The following CSMD1 variants were observed in gnomAD, a reference collection of about 807,000 sequenced individuals.
CSMD1 encodes the protein CUB and Sushi multiple domains 1.
Under a neutral mutation model 417.5 loss-of-function variants are expected in CSMD1, and 213 were observed. The ratio of observed to expected loss-of-function variants is 0.51; its 90% CI spans 0.46 to 0.57. The LOEUF (loss-of-function observed/expected upper bound fraction) is 0.57, where lower values mean the gene tolerates loss of function less well. CSMD1 is among the 20% of genes least tolerant of loss of function. The pLI is 0.00. For synonymous variants in CSMD1, 2,862 were observed against 1,736.8 expected, an observed-to-expected ratio of 1.65 and a Z score of -16.11; for missense variants, 6,923 against 4,529.7, an observed-to-expected ratio of 1.53 and a Z score of -15.17.
chr8:4,264,400 G>C (rs1054260941), intron 3 of CSMD1, among the ~76,000 whole-genome samples: 1 of 152,174 alleles, frequency 6.6e-6, no homozygotes, highest in Non-Finnish European at 1.5e-5. Context: ...AACATCCACA[G>C]AGGTTGCACA....
chr8:3,807,380 C>T (rs116733331), intron 5 of CSMD1, among the ~76,000 whole-genome samples: 1 of 151,952 alleles, frequency 6.6e-6, no homozygotes, highest in Non-Finnish European at 1.5e-5. Context: ...TTCCCAAGCC[C>T]TTTATAGAAA....
chr8:3,756,165 G>T (rs1797646102), intron 5 of CSMD1, among the ~76,000 whole-genome samples: 1 of 151,772 alleles, frequency 6.6e-6, no homozygotes, highest in African/African-American at 2.4e-5. Context: ...GACCATCATG[G>T]CAACGGTAAA....
intron 6 of CSMD1, among the ~76,000 whole-genome samples, chr8:3,739,971 A>C (rs143613968): frequency 6.6e-6 from 1 of 152,200 alleles, no homozygotes; most frequent in African/African-American, 2.4e-5. Flanking sequence ...ATTCTCCTTC[A>C]TGATCCCTAT....
rs1803242516 is a variant in CSMD1, at chr8:3,287,427, C to T, written c.3951-3081G>A. Among the ~76,000 whole-genome samples, 6 of 152,194 alleles carry T rather than the reference C, an allele frequency of 3.9e-5. No homozygotes were observed. The South Asian group carries it at 1.2e-3, about 32-fold the overall frequency. On this transcript the variant is annotated intron_variant, in intron 25 of 69. Transcript: ENST00000635120. ...ATTTTCACAATATTGATTCTTCCTA[C>T]CTATGAGCATGGAATGTTCTTCCAT...
intron 1 of CSMD1, among the ~76,000 whole-genome samples, chr8:4,846,633 G>C (rs992728962): frequency 3.3e-5 from 5 of 152,196 alleles, no homozygotes; most frequent in African/African-American, 1.2e-4. Flanking sequence ...CCTAGAAATT[G>C]TAATAGCTAA....
At chr8:4,366,402 T>C (rs1411876186) in intron 3 of CSMD1, among the ~76,000 whole-genome samples, 1 of 152,228 alleles carries the variant, frequency 6.6e-6, no homozygotes, top group African/African-American at 2.4e-5. Flanking sequence ...TGCATGCACG[T>C]GTCTTTTTGA....
At chr8:4,650,749 T>A (rs1490961365) in intron 1 of CSMD1, among the ~76,000 whole-genome samples, 1 of 152,230 alleles carries the variant, frequency 6.6e-6, no homozygotes, top group African/African-American at 2.4e-5. Context: ...AAATATGTAT[T>A]TTGCCTATTT....
At chr8:3,700,735 T>C (rs1477624953) in intron 7 of CSMD1, 1 of 152,262 alleles carries the variant, frequency 6.6e-6, no homozygotes, top group Non-Finnish European at 1.5e-5. Context: ...CCCTGGGGTG[T>C]TGAGTGTCCA....
chr8:3,957,203 T>C (rs1340294293), intron 5 of CSMD1, among the ~76,000 whole-genome samples: 1 of 152,164 alleles, frequency 6.6e-6, no homozygotes, highest in Non-Finnish European at 1.5e-5. Flanking sequence ...AAAACATTTC[T>C]CAAAATGAGA....
At chr8:4,774,432 T>C (rs540317755) in intron 1 of CSMD1, among the ~76,000 whole-genome samples, 1 of 152,276 alleles carries the variant, frequency 6.6e-6, no homozygotes, top group Non-Finnish European at 1.5e-5. Context: ...AAATTAATTA[T>C]GGTAGTAAGT....
intron 1 of CSMD1, among the ~76,000 whole-genome samples, chr8:4,671,776 C>T (rs1358953171): frequency 1.3e-5 from 2 of 152,108 alleles, no homozygotes; most frequent in Non-Finnish European, 2.9e-5. Context: ...CACAAGCATG[C>T]CTGCTTTCCT....
chr8:4,686,867 T>C (rs76537715), intron 1 of CSMD1, among the ~76,000 whole-genome samples: 2 of 152,166 alleles, frequency 1.3e-5, no homozygotes, highest in African/African-American at 4.8e-5. Flanking sequence ...AGGCAAACCC[T>C]GAGCAGGCGA....
At chr8:4,276,000 G>C (rs545510445) in intron 3 of CSMD1, among the ~76,000 whole-genome samples, 17 of 152,174 alleles carry the variant, frequency 1.1e-4, no homozygotes, top group African/African-American at 3.6e-4. Flanking sequence ...TGGAGAAATA[G>C]GAATGCTTTT....
At chr8:3,277,840 A>C (rs1802420716) in intron 26 of CSMD1, among the ~76,000 whole-genome samples, 1 of 152,322 alleles carries the variant, frequency 6.6e-6, no homozygotes, top group East Asian at 1.9e-4. Flanking sequence ...ATTATGTCCA[A>C]GGGTTACATT....
chr8:4,638,734 G>A (rs1352664980), intron 1 of CSMD1, among the ~76,000 whole-genome samples: 1 of 152,302 alleles, frequency 6.6e-6, no homozygotes, highest in South Asian at 2.1e-4. Context: ...TTTGGCAGGT[G>A]GAATTGGGAT....
chr8:4,423,859 G>A (rs1016282184), intron 2 of CSMD1, among the ~76,000 whole-genome samples: 1 of 151,956 alleles, frequency 6.6e-6, no homozygotes, highest in Non-Finnish European at 1.5e-5. Context: ...CGGCAGATTG[G>A]CAAAGACATA....
chr8:4,133,887 G>GA (rs1395080009), intron 3 of CSMD1, among the ~76,000 whole-genome samples: 4 of 152,060 alleles, frequency 2.6e-5, no homozygotes, highest in Non-Finnish European at 5.9e-5. Context: ...TTTTTTATAA[G>GA]AAATCTTGTA....
chr8:4,568,283 A>T (rs1798713394), intron 2 of CSMD1, among the ~76,000 whole-genome samples: 1 of 151,756 alleles, frequency 6.6e-6, no homozygotes, highest in South Asian at 2.1e-4. Flanking sequence ...CCCTCCCCTT[A>T]CCCCACCACC....
intron 2 of CSMD1, among the ~76,000 whole-genome samples, chr8:4,436,403 T>C (rs937656809): frequency 6.6e-6 from 1 of 152,200 alleles, no homozygotes; most frequent in Non-Finnish European, 1.5e-5. Context: ...GTTTCAATTT[T>C]TGTGTGTACA....
Sources: gnomAD v4.1 joint callset for allele counts (sites outside exome capture counted in the v4.1 genomes callset) on GRCh38, gnomAD v4.1.1 for gene constraint, MANE v1.5 for transcripts, NCBI Gene and HGNC (gene_info 2026-07-23, HGNC 2026-07-21) for gene names.